Variants in ANKRD30BL observed in about 807,000 individuals in gnomAD.
ANKRD30BL encodes the protein putative ankyrin repeat domain-containing protein 30B-like.
In ANKRD30BL, 20 loss-of-function variants were observed where a neutral mutation model predicts 18.4. The ratio of observed to expected loss-of-function variants is 1.09; its 90% CI spans 0.77 to 1.58. The LOEUF is 1.58. ANKRD30BL is among the 40% of genes most tolerant of loss of function. The probability of loss-of-function intolerance (pLI) is 0.00; values close to 1 mark genes in which losing one functional copy is unlikely to be tolerated. For missense variants in ANKRD30BL, 224 were observed against 268.6 expected (o/e 0.83, Z 1.16); for synonymous variants, 72 against 100.9 (o/e 0.71, Z 1.72).
intron 1 of ANKRD30BL, among the ~76,000 whole-genome samples, chr2:132,229,030 C>T (rs111286201): frequency 6.6e-6 from 1 of 151,930 alleles, no homozygotes; most frequent in Non-Finnish European, 1.5e-5. Context: ...TTTGATAGAG[C>T]AGTTTTAAAG....
intron 1 of ANKRD30BL, among the ~76,000 whole-genome samples, chr2:132,187,298 A>G (rs1688583066): frequency 6.9e-6 from 1 of 144,346 alleles, no homozygotes; most frequent in Non-Finnish European, 1.5e-5. Flanking sequence ...GGATGAAGCG[A>G]TTCTCTTGTC....
intron 1 of ANKRD30BL, among the ~76,000 whole-genome samples, chr2:132,190,622 G>C (rs1408396884): frequency 2.0e-5 from 3 of 152,076 alleles, no homozygotes; most frequent in Non-Finnish European, 2.9e-5. Flanking sequence ...GACTATACAT[G>C]ACTGGAATTT....
chr2:132,193,041 G>A (rs1678891837), intron 1 of ANKRD30BL, among the ~76,000 whole-genome samples: 1 of 152,152 alleles, frequency 6.6e-6, no homozygotes, highest in South Asian at 2.1e-4. Flanking sequence ...AGCAGGCACG[G>A]AGTGTAAAGA....
rs112676314 is a variant in ANKRD30BL, at chr2:132,182,205, C to T, written n.442-25059G>A. On this transcript the variant is annotated intron_variant and non_coding_transcript_variant, in intron 1 of 4. Coordinates refer to the ANKRD30BL transcript ENST00000470729. ...TAAGTTACAAAGAAAATTTGTAGGCCGGGCGCAGTTGCTCAAGCCTGTATC... is the reference window on the plus strand; with the variant it reads ...TAAGTTACAAAGAAAATTTGTAGGCTGGGCGCAGTTGCTCAAGCCTGTATC... Among the ~76,000 whole-genome samples the T allele has an allele frequency of 9.5e-3, 1,450 of 152,012 alleles. 16 individuals carry two copies. Among genetic ancestry groups the T allele is most frequent in the African/African-American group, 0.031 (1,266 of 41,488 alleles).
intron 1 of ANKRD30BL, among the ~76,000 whole-genome samples, chr2:132,210,291 T>C (rs796683639): frequency 6.6e-6 from 1 of 150,598 alleles, no homozygotes; most frequent in African/African-American, 2.4e-5. Flanking sequence ...GATTGAGCAG[T>C]TTTGAAACAC....
At chr2:132,192,574 A>G (rs1026532658) in intron 1 of ANKRD30BL, among the ~76,000 whole-genome samples, 11 of 152,348 alleles carry the variant, frequency 7.2e-5, no homozygotes, top group Admixed American at 5.9e-4. Context: ...GTAGTTCATC[A>G]TGAGGTGGAA....
chr2:132,253,712 C>T (rs1680733006), intron 1 of ANKRD30BL, among the ~76,000 whole-genome samples: 2 of 150,212 alleles, frequency 1.3e-5, no homozygotes, highest in African/African-American at 2.4e-5. Context: ...GGGCCCACTG[C>T]ACCTGACCCA....
intron 1 of ANKRD30BL, among the ~76,000 whole-genome samples, chr2:132,249,707 T>A (rs1573895067): frequency 6.6e-6 from 1 of 151,572 alleles, no homozygotes; most frequent in African/African-American, 2.4e-5. Context: ...TCTACAAAAA[T>A]ACTGTTTCCA....
chr2:132,208,290 C>T (rs1679249535), intron 1 of ANKRD30BL, among the ~76,000 whole-genome samples: 1 of 152,144 alleles, frequency 6.6e-6, no homozygotes, highest in Non-Finnish European at 1.5e-5. Context: ...AAAAGAGCCT[C>T]TAACAGTTTT....
chr2:132,215,681 G>A (rs1205025812), intron 1 of ANKRD30BL, among the ~76,000 whole-genome samples: 1 of 151,850 alleles, frequency 6.6e-6, no homozygotes, highest in Non-Finnish European at 1.5e-5. Context: ...GGCCTATGGT[G>A]GAAAAGGAAA....
chr2:132,245,151 G>A (rs1680460547), intron 1 of ANKRD30BL, among the ~76,000 whole-genome samples: 1 of 274 alleles, frequency 3.6e-3, no homozygotes, highest in African/African-American at 0.02. Context: ...TTTGATGTGT[G>A]TTTTCAACTC....
At chr2:132,215,532 A>G (rs1274186831) in intron 1 of ANKRD30BL, among the ~76,000 whole-genome samples, 1 of 152,232 alleles carries the variant, frequency 6.6e-6, no homozygotes, top group Non-Finnish European at 1.5e-5. Context: ...ATGTTCACAT[A>G]AAAATTAGAC....
chr2:132,157,133 T>G lies in ANKRD30BL; in HGVS notation c.347A>C (p.Gln116Pro). The G allele has an allele frequency of 7.0e-7, 1 of 1,438,000 alleles. No individual in the cohort carries two copies. Among genetic ancestry groups the G allele is most frequent in the East Asian group, 2.4e-5 (1 of 41,356 alleles). 89.1% of individuals were successfully genotyped at this position (1,438,000 alleles called of 1,614,324 possible). Reference protein sequence around the residue: ...RTILMKALQCQREACANILID... With the variant: ...RTILMKALQCPREACANILID... ...GAGAATATTTGCACAAGCCTCCCTCTGGCATTGCAGAGCCTGTCAGTATTA... is the reference window on the plus strand; with the variant it reads ...GAGAATATTTGCACAAGCCTCCCTCGGGCATTGCAGAGCCTGTCAGTATTA... Residue 116 changes from glutamine to proline, a missense_variant, in exon 3 of 6, where the codon CAG (glutamine) becomes CCG (proline). This residue lies in a region of ANKRD30BL where 30 missense variants were observed against 77.5 expected (regional missense o/e 0.39). Coordinates refer to ENST00000409867, the MANE Select transcript of ANKRD30BL (RefSeq NM_001358416.1).
At chr2:132,213,703 A>G (rs1679416613) in intron 1 of ANKRD30BL, among the ~76,000 whole-genome samples, 1 of 152,230 alleles carries the variant, frequency 6.6e-6, no homozygotes, top group Non-Finnish European at 1.5e-5. Context: ...GTGTGCATTC[A>G]TCTCACAGAG....
rs1447762519 is a variant in ANKRD30BL at position 132,170,952 on chromosome 2, C to T, written n.442-13806G>A. ...CGGGCGGATCACGTGGTGAGGAGAT[C>T]GAGACCATCCTGGCTAACACGGTGA... On this transcript the variant is annotated intron_variant and non_coding_transcript_variant, in intron 1 of 4. Coordinates refer to the ANKRD30BL transcript ENST00000470729. Among the ~76,000 whole-genome samples, 3 of 152,050 alleles carry T rather than the reference C, an allele frequency of 2.0e-5. No individual in the cohort carries two copies. In the South Asian group the frequency reaches 6.2e-4, roughly 32 times the overall value.
At chr2:132,207,956 A>C (rs1413668401) in intron 1 of ANKRD30BL, among the ~76,000 whole-genome samples, 1 of 152,166 alleles carries the variant, frequency 6.6e-6, no homozygotes, top group African/African-American at 2.4e-5. Flanking sequence ...CCTTCTTATT[A>C]GTATCCCAAT....
At chr2:132,189,859 C>T (rs888148744) in intron 1 of ANKRD30BL, among the ~76,000 whole-genome samples, 23 of 152,026 alleles carry the variant, frequency 1.5e-4, no homozygotes, top group Admixed American at 5.2e-4. Context: ...TCCATAATCA[C>T]CACTGTTTCT....
At chr2:132,190,439 G>A (rs1351488601) in intron 1 of ANKRD30BL, among the ~76,000 whole-genome samples, 1 of 151,246 alleles carries the variant, frequency 6.6e-6, no homozygotes, top group Admixed American at 6.6e-5. Flanking sequence ...CATTATGTCT[G>A]TAGGAAGAGT....
chr2:132,239,859 G>A (rs879104037), intron 1 of ANKRD30BL, among the ~76,000 whole-genome samples: 1 of 150,872 alleles, frequency 6.6e-6, no homozygotes, highest in Non-Finnish European at 1.5e-5. Context: ...TTTGTGATAT[G>A]TGTACTCAAC....
Sources: allele counts gnomAD v4.1 joint callset (sites outside exome capture counted in the v4.1 genomes callset), GRCh38; gene constraint gnomAD v4.1.1; regional missense constraint gnomAD v4.1.1; transcripts MANE v1.5; gene names NCBI Gene and HGNC (gene_info 2026-07-23, HGNC 2026-07-21).